Variants in ERAP1 observed in about 807,000 individuals in gnomAD.
The protein encoded by ERAP1 is adipocyte-derived leucine aminopeptidase.
In ERAP1, 86 loss-of-function variants were observed where a neutral mutation model predicts 103.7. The ratio of observed to expected loss-of-function variants is 0.83; its 90% CI spans 0.70 to 0.99. The LOEUF (loss-of-function observed/expected upper bound fraction) is 0.99. ERAP1 is among the 50% of genes least tolerant of loss of function. The pLI is 0.00. For missense variants in ERAP1, 1,009 were observed against 1,128.4 expected (o/e 0.89, Z 1.52); for synonymous variants, 398 against 402.4 (o/e 0.99, Z 0.13).
At chr5:96,836,019 C>T in the ERAP1 span, among the ~76,000 whole-genome samples, 8 of 152,280 alleles carry the variant, frequency 5.3e-5, no homozygotes, top group South Asian at 1.0e-3. Context: ...AACAACTTCT[C>T]TCCATGGTTA....
downstream of ERAP1, chr5:96,769,664 T>C (rs1056679553): frequency 2.0e-5 from 3 of 152,020 alleles, no homozygotes; most frequent in Non-Finnish European, 4.4e-5. Flanking sequence ...CCTCATGTTA[T>C]ACATTAACTC....
chr5:96,892,575 A>G, the ERAP1 span: 2 of 1,102,596 alleles, frequency 1.8e-6, no homozygotes, highest in Non-Finnish European at 2.6e-6. Flanking sequence ...CTTAGAGACT[A>G]CTAAACCTAA....
Position 96,783,161 on chromosome 5 carries a change from T to G in ERAP1, c.2175A>C (p.Arg725=). The change falls in exon 15 of 19, where the codon CGA becomes CGC. Residue 725 remains arginine, a synonymous_variant. Transcript: ENST00000443439. ...TWTDEGSVSE[R]MLRSQLLLLA... ...GGAGTAGTAGTTGACTCCGCAGCAT[T>G]CGCTCTGAGACTGAGCCCTCGTCTG... is the stretch of plus-strand genomic sequence containing the variant. 1 of 1,614,216 alleles carries G rather than the reference T, an allele frequency of 6.2e-7. No individual in the cohort carries two copies. Among genetic ancestry groups the G allele is most frequent in the Non-Finnish European group, 8.5e-7 (1 of 1,180,040 alleles).
intron 19 of ERAP1, chr5:96,765,280 G>C: frequency 6.3e-7 from 1 of 1,585,398 alleles, no homozygotes; most frequent in Non-Finnish European, 8.6e-7. Flanking sequence ...TAGGACAAAG[G>C]CAGCCTGACC....
At chr5:96,836,444 C>A in the ERAP1 span, among the ~76,000 whole-genome samples, 3 of 152,070 alleles carry the variant, frequency 2.0e-5, no homozygotes, top group Non-Finnish European at 2.9e-5. Context: ...TCAAGTGATC[C>A]CCCCACTTCA....
At chr5:96,925,664 G>A in the ERAP1 span, among the ~76,000 whole-genome samples, 2 of 152,194 alleles carry the variant, frequency 1.3e-5, no homozygotes, top group African/African-American at 4.8e-5. Flanking sequence ...AAATTTAACA[G>A]TCACCACAGT....
Position 96,803,806 on chromosome 5 carries a change from G to A in ERAP1, c.121C>T (p.Arg41Cys), listed in dbSNP as rs759393925. 11 of 1,614,034 alleles carry A rather than the reference G, an allele frequency of 6.8e-6. No homozygotes were observed. The highest frequency in any genetic ancestry group is 3.3e-5 in the Admixed American group (2 of 60,006). Residue 41 changes from arginine (R) to cysteine (C), a missense_variant, in exon 2 of 19, where the codon CGT becomes TGT. Arg to Cys is a radical substitution (Grantham distance 180). Transcript: ENST00000443439. The part of the protein sequence containing the change: ...WCQSTEASPK[R>C]SDGTPFPWNK... ...CAAGGAAATGGTGTCCCATCACTAC[G>A]TTTTGGAGATGCTTCAGTGCTCTGA... is the stretch of plus-strand genomic sequence containing the variant.
upstream of ERAP1, among the ~76,000 whole-genome samples, chr5:96,812,910 T>C (rs1469733913): frequency 6.6e-6 from 1 of 152,206 alleles, no homozygotes; most frequent in African/African-American, 2.4e-5. Flanking sequence ...AAAATTAGAT[T>C]GTGATTATGG....
chr5:96,861,251 C>A, the ERAP1 span, among the ~76,000 whole-genome samples: 1 of 152,218 alleles, frequency 6.6e-6, no homozygotes. Flanking sequence ...CAGGTGGCAT[C>A]AGTGTGGGTT....
At chr5:96,823,068 T>C in the ERAP1 span, 3 of 456,316 alleles carry the variant, frequency 6.6e-6, no homozygotes, top group Non-Finnish European at 1.3e-5. Flanking sequence ...CCTCATCTCC[T>C]AGAGGCCACC....
chr5:96,795,103 C>G lies in ERAP1; in HGVS notation c.858G>C (p.Ala286=). ...CCTCATAAAATTCTAGAAGAGTCAC[C>G]GCAGCATCCAGTGCATAATCTGCTT... ...INQADYALDA[A]VTLLEFYEDY... is the part of the protein sequence containing the mutation. Residue 286 remains alanine, a synonymous_variant, in exon 5 of 19, where the codon GCG becomes GCC. Transcript: ENST00000443439. The G allele has an allele frequency of 6.2e-7, 1 of 1,613,792 alleles. No homozygotes were observed. Among genetic ancestry groups the G allele is most frequent in the South Asian group, 1.1e-5 (1 of 91,070 alleles).
At chr5:96,874,055 A>G in the ERAP1 span, among the ~76,000 whole-genome samples, 1 of 151,644 alleles carries the variant, frequency 6.6e-6, no homozygotes, top group Non-Finnish European at 1.5e-5. Context: ...TTCCCTAAGC[A>G]ATAAACTTCC....
the ERAP1 span, among the ~76,000 whole-genome samples, chr5:96,866,796 A>G: frequency 6.6e-6 from 1 of 152,200 alleles, no homozygotes; most frequent in Non-Finnish European, 1.5e-5. Context: ...CAGGAGAAGA[A>G]GAAGTCAGCA....
the ERAP1 span, chr5:96,881,350 C>T: frequency 1.3e-5 from 6 of 450,444 alleles, no homozygotes; most frequent in East Asian, 3.5e-4. Flanking sequence ...TTGAACTTGG[C>T]AGTTATTTTG....
chr5:96,858,389 A>G, the ERAP1 span, among the ~76,000 whole-genome samples: 1 of 151,812 alleles, frequency 6.6e-6, no homozygotes, highest in Non-Finnish European at 1.5e-5. Context: ...TAATTTTTGT[A>G]TTTTTAGTAG....
At chr5:96,875,099 G>A in the ERAP1 span, among the ~76,000 whole-genome samples, 1 of 152,166 alleles carries the variant, frequency 6.6e-6, no homozygotes, top group Non-Finnish European at 1.5e-5. Context: ...TTAATCTGGT[G>A]GCATCGTACA....
chr5:96,827,225 A>G, the ERAP1 span, among the ~76,000 whole-genome samples: 2 of 152,356 alleles, frequency 1.3e-5, no homozygotes, highest in South Asian at 4.1e-4. Context: ...ATGAAATTGC[A>G]AAGAGTAGTT....
At chr5:96,789,560 C>T (rs1776491349) in intron 10 of ERAP1, among the ~76,000 whole-genome samples, 1 of 152,000 alleles carries the variant, frequency 6.6e-6, no homozygotes, top group African/African-American at 2.4e-5. Context: ...AAAGCAGTCT[C>T]TAGGAACAAA....
downstream of ERAP1, chr5:96,772,236 AT>A (rs1480893098): frequency 6.5e-6 from 1 of 153,702 alleles, no homozygotes; most frequent in Non-Finnish European, 1.5e-5. Context: ...CTAATTTATA[AT>A]TGCTGAAGAA....
Sources: gnomAD v4.1 joint callset for allele counts (sites outside exome capture counted in the v4.1 genomes callset) on GRCh38, gnomAD v4.1.1 for gene constraint, MANE v1.5 for transcripts, NCBI Gene and HGNC (gene_info 2026-07-23, HGNC 2026-07-21) for gene names.